The following DNAH17 variants were observed in gnomAD, a reference collection of about 807,000 sequenced individuals.
DNAH17 encodes dynein axonemal heavy chain 17.
DNAH17 carries 376 observed loss-of-function variants against 485.6 expected under a neutral mutation model. The observed-to-expected ratio is 0.77, with a 90% CI of 0.71 to 0.84. The LOEUF is 0.84. Ranked by LOEUF, DNAH17 falls within the 40% of genes least tolerant of loss-of-function variation. The pLI, the probability that DNAH17 is intolerant of heterozygous loss-of-function variation, is 0.00. For missense variants in DNAH17, 6,370 were observed against 5,839.3 expected, an observed-to-expected ratio of 1.09 and a Z score of -2.96; for synonymous variants, 3,031 against 2,405.9, an observed-to-expected ratio of 1.26 and a Z score of -7.60.
chr17:78,569,627 G>A lies in DNAH17; in HGVS notation c.1045-100C>T, dbSNP rs1362545894. The A allele has an allele frequency of 4.3e-6, 6 of 1,384,096 alleles. No individual in the cohort carries two copies. The African/African-American group carries it at 5.8e-5, about 13-fold the overall frequency. The allele number at this position is 1,384,096 out of a possible 1,614,324, so 85.7% of individuals were successfully genotyped here. ...GGACCTGTGATCTGTTCTGACATAT[G>A]GATATCTGAAAATAACCCCTCCTAT... is the stretch of plus-strand genomic sequence containing the variant. On this transcript the variant is annotated intron_variant, in intron 7 of 80. Coordinates refer to ENST00000389840, the MANE Select transcript of DNAH17 (RefSeq NM_173628.4).
intron 69 of DNAH17, among the ~76,000 whole-genome samples, chr17:78,448,640 G>A (rs2087415908): frequency 6.6e-6 from 1 of 152,230 alleles, no homozygotes; most frequent in Non-Finnish European, 1.5e-5. Context: ...TCCCCAAAAA[G>A]CATATGTTGG....
At position 78,480,775 on chromosome 17, in the gene DNAH17, T is replaced by A. The variant is rs1427300272; in HGVS notation, c.7661A>T (p.His2554Leu). Residue 2554 changes from histidine to leucine, a missense_variant, in exon 49 of 81, where the codon CAT (histidine) becomes CTT (leucine). His to Leu is a moderately conservative substitution (Grantham distance 99, BLOSUM62 -3). Transcript: ENST00000389840. ...ATGGATATCTTTTAACGTCAGCTTA[T>A]GTCTGTCATACCTGAGGGGGGAAAC... Reference protein sequence around the residue: ...HMDHRHWYDRHKLTLKDIHNC... With the variant: ...HMDHRHWYDRLKLTLKDIHNC... 6.2e-7 allele frequency: 1 copy of A among 1,612,808 alleles called. No individual in the cohort carries two copies. Among genetic ancestry groups the A allele is most frequent in the East Asian group, 2.2e-5 (1 of 44,874 alleles).
intron 33 of DNAH17, chr17:78,502,283 T>C: frequency 2.9e-6 from 1 of 343,558 alleles, no homozygotes; most frequent in Non-Finnish European, 5.3e-6. Flanking sequence ...CAAGATGATC[T>C]TTTGTTTCCA....
intron 49 of DNAH17, among the ~76,000 whole-genome samples, chr17:78,479,973 G>A (rs1279420825): frequency 6.9e-6 from 1 of 145,432 alleles, no homozygotes; most frequent in African/African-American, 2.5e-5. Flanking sequence ...TAAAATACAG[G>A]ATGCCCTGCT....
chr17:78,575,539 A>AC (rs1309450790), intron 1 of DNAH17, among the ~76,000 whole-genome samples: 1 of 151,990 alleles, frequency 6.6e-6, no homozygotes, highest in Non-Finnish European at 1.5e-5. Context: ...AAGGAAGCAG[A>AC]CCCCACGTGC....
At chr17:78,449,385 A>G (rs377015148) in intron 69 of DNAH17, 29 bp downstream of exon 69, 146 of 1,530,136 alleles carry the variant, frequency 9.5e-5, no homozygotes, top group East Asian at 5.0e-5. Context: ...TCCACGGACC[A>G]CACTAGGAAC....
At position 78,510,364 on chromosome 17, in the gene DNAH17, G is replaced by A. The variant is rs751256786; in HGVS notation, c.4236+20C>T. The A allele has an allele frequency of 9.3e-6, 15 of 1,610,634 alleles. No individual in the cohort carries two copies. The South Asian group carries it at 1.3e-4, about 14-fold the overall frequency. ...AGGCTGATCCCACGTTGCACAGACAGCACCGCCAGCACGGCCTACCTTTTC... is the reference window on the plus strand; with the variant it reads ...AGGCTGATCCCACGTTGCACAGACAACACCGCCAGCACGGCCTACCTTTTC... On this transcript the variant is annotated intron_variant, in intron 27 of 80. Transcript: ENST00000389840.
At chr17:78,433,951 A>AGGAGGGAGGGAAGGAGGGAGGGAG in intron 75 of DNAH17, 78 bp downstream of exon 75, 1 of 1,009,402 alleles carries the variant, frequency 9.9e-7, no homozygotes, top group African/African-American at 2.7e-5. Context: ...GAGGGAGGGA[A>AGGAGGGAGGGAAGGAGGGAGGGAG]GGAGGGAGGG....
Position 78,569,533 on chromosome 17 carries a change from CA to C in DNAH17, c.1045-7del. Reference sequence around the variant, plus strand: ...GGGCTCAGGAAGGTTCGTGTCTGGGCAAAAGAGAAGACAGACATCTAAAGCT... The same window carrying C: ...GGGCTCAGGAAGGTTCGTGTCTGGGCAAAGAGAAGACAGACATCTAAAGCT... On this transcript the variant is annotated splice_region_variant and splice_polypyrimidine_tract_variant and intron_variant, in intron 7 of 80. Coordinates refer to ENST00000389840, the MANE Select transcript of DNAH17 (RefSeq NM_173628.4). The C allele has an allele frequency of 6.2e-7, 1 of 1,600,240 alleles. No individual in the cohort carries two copies. Among genetic ancestry groups the C allele is most frequent in the South Asian group, 1.1e-5 (1 of 88,602 alleles).
At chr17:78,432,429 C>T (rs922080090) in intron 75 of DNAH17, among the ~76,000 whole-genome samples, 1 of 152,200 alleles carries the variant, frequency 6.6e-6, no homozygotes, top group African/African-American at 2.4e-5. Flanking sequence ...GCATCTATGG[C>T]CCATGGTGGC....
At chr17:78,445,947 G>C (rs539284123) in intron 69 of DNAH17, among the ~76,000 whole-genome samples, 22 of 150,438 alleles carry the variant, frequency 1.5e-4, no homozygotes, top group African/African-American at 5.4e-4. Flanking sequence ...AGGAGGGGGT[G>C]GATCACTTGA....
chr17:78,464,520 C>A (rs1428585316), intron 56 of DNAH17, among the ~76,000 whole-genome samples: 2 of 152,254 alleles, frequency 1.3e-5, no homozygotes, highest in African/African-American at 2.4e-5. Context: ...TTTGGCCCCC[C>A]AAAGTGCTGG....
At chr17:78,539,152 C>G (rs1453103623) in intron 18 of DNAH17, among the ~76,000 whole-genome samples, 3 of 152,064 alleles carry the variant, frequency 2.0e-5, no homozygotes, top group Non-Finnish European at 4.4e-5. Context: ...ACTGCTTGAA[C>G]CCAGGAGGTG....
chr17:78,426,827 G>A, intron 78 of DNAH17, 99 bp downstream of exon 78: 3 of 1,430,956 alleles, frequency 2.1e-6, no homozygotes. Flanking sequence ...GTACCATGCT[G>A]ATCCGGGGCC....
At chr17:78,562,961 C>T (rs116457211) in intron 11 of DNAH17, among the ~76,000 whole-genome samples, 239 of 152,268 alleles carry the variant, frequency 1.6e-3, no homozygotes, top group African/African-American at 5.1e-3. Context: ...ATAACCCACG[C>T]CCAATGGGGG....
Position 78,485,578 on chromosome 17 carries a change from G to A in DNAH17, c.7455C>T (p.Asn2485=). 1 of 1,613,284 alleles carries A rather than the reference G, an allele frequency of 6.2e-7. No homozygotes were observed. The highest frequency in any genetic ancestry group is 8.5e-7 in the Non-Finnish European group (1 of 1,179,664). The change falls in exon 47 of 81, where the codon AAC becomes AAT. Residue 2485 remains asparagine, a synonymous_variant. Transcript: ENST00000389840. ...DNYLVQAVPF[N]FYTTSAMLQG... ...GCAGCATGGCTGAGGTCGTGTAGAA[G>A]TTGAAGGGCACAGCCTGCACCAGGT...
chr17:78,559,214 T>C (rs1473867321), intron 13 of DNAH17, among the ~76,000 whole-genome samples: 1 of 152,232 alleles, frequency 6.6e-6, no homozygotes, highest in African/African-American at 2.4e-5. Context: ...CTCCCACGTT[T>C]ATGTCTCCAA....
rs770737206 is a variant in DNAH17 at position 78,507,621 on chromosome 17, C to G, written c.4421G>C (p.Ser1474Thr). Residue 1474 changes from serine to threonine, a missense_variant, in exon 28 of 81, where the codon AGC (serine) becomes ACC (threonine). By Grantham distance (58) the Ser-to-Thr change is moderately conservative. Transcript: ENST00000389840. The stretch of plus-strand genomic sequence containing the variant: ...CGCCGTGGACAGCTTCTGCTGCCAG[C>G]TTGTCACCTCCTTCAGGAAGTGGGC... ...YLAHFLKEVT[S>T]WQQKLSTADS... The G allele has an allele frequency of 3.7e-6, 6 of 1,614,136 alleles. No homozygotes were observed. In the South Asian group the frequency reaches 6.6e-5, roughly 18 times the overall value.
At chr17:78,571,834 C>G (rs2092363152) in intron 3 of DNAH17, 52 bp from the exon 4 acceptor site, 11 of 1,494,764 alleles carry the variant, frequency 7.4e-6, no homozygotes, top group Non-Finnish European at 9.9e-6. Context: ...ACACGTGGGT[C>G]CCACCAAGCT....
Sources: gnomAD v4.1 joint callset for allele counts (sites outside exome capture counted in the v4.1 genomes callset) on GRCh38, gnomAD v4.1.1 for gene constraint, MANE v1.5 for transcripts, NCBI Gene and HGNC (gene_info 2026-07-23, HGNC 2026-07-21) for gene names.